The following FAM174C variants were observed in gnomAD, a reference collection of about 807,000 sequenced individuals.
FAM174C encodes protein FAM174C.
FAM174C carries 19 observed loss-of-function variants against 12.3 expected under a neutral mutation model. The ratio of observed to expected loss-of-function variants is 1.55; its 90% CI spans 1.08 to 2.27. FAM174C has a LOEUF of 2.27. Ranked by LOEUF, FAM174C falls within the 30% of genes most tolerant of loss-of-function variation. The pLI is 0.00. For missense variants in FAM174C, 239 were observed against 190.2 expected, an observed-to-expected ratio of 1.26 and a Z score of -1.51; for synonymous variants, 147 against 103.5, an observed-to-expected ratio of 1.42 and a Z score of -2.55.
chr19:1,277,247 G>A lies in FAM174C; in HGVS notation c.346G>A (p.Ala116Thr), dbSNP rs2081419698. 2 of 1,549,624 alleles carry A rather than the reference G, an allele frequency of 1.3e-6. No individual in the cohort carries two copies. The highest frequency in any genetic ancestry group is 1.2e-5 in the South Asian group (1 of 84,042). The change falls in exon 2 of 3, where the codon GCC becomes ACC. Residue 116 changes from alanine (A) to threonine (T), a missense_variant. Transcript: ENST00000409293. ...CAACACTGAGGACCCCACGGAGATGGCCTCGCTGGACAGCGACGAGGAGAC... is the reference window on the plus strand; with the variant it reads ...CAACACTGAGGACCCCACGGAGATGACCTCGCTGGACAGCGACGAGGAGAC... The part of the protein sequence containing the change: ...LANTEDPTEM[A>T]SLDSDEETVF...
intron 2 of FAM174C, 45 bp from the exon 3 acceptor site, chr19:1,278,732 G>C (rs745889214): frequency 6.2e-7 from 1 of 1,608,688 alleles, no homozygotes; most frequent in Non-Finnish European, 8.5e-7. Context: ...CCGGCAGGGC[G>C]GGCCCTTCAC....
chr19:1,275,893 T>A, intron 1 of FAM174C, 63 bp downstream of exon 1: 1 of 1,462,770 alleles, frequency 6.8e-7, no homozygotes, highest in Non-Finnish European at 9.2e-7. Context: ...GCCTAGTGCG[T>A]CACGTGCCGG....
In FAM174C at chr19:1,279,043, G is replaced by A; in HGVS notation, c.*266G>A. The stretch of plus-strand genomic sequence containing the variant: ...CGAGGGTCCCAGGTGAAGACTGGAG[G>A]GACCCCAACAGCCACCGCCCAGGAC... On this transcript the variant is annotated 3_prime_UTR_variant, in exon 3 of 3. Transcript: ENST00000409293. The A allele has an allele frequency of 6.2e-7, 1 of 1,611,780 alleles. No individual in the cohort carries two copies. Among genetic ancestry groups the A allele is most frequent in the South Asian group, 1.1e-5 (1 of 91,086 alleles).
chr19:1,278,967 C>T lies in FAM174C; in HGVS notation c.*190C>T. The T allele has an allele frequency of 6.2e-7, 1 of 1,612,702 alleles. No homozygotes were observed. Among genetic ancestry groups the T allele is most frequent in the Non-Finnish European group, 8.5e-7 (1 of 1,179,936 alleles). ...GCCCGCCGACCTGTTGCCACCTGCA[C>T]CCACCGCTGGACCATGCAGCCTCGC... On this transcript the variant is annotated 3_prime_UTR_variant, in exon 3 of 3. Transcript: ENST00000409293.
At position 1,277,123 on chromosome 19, in the gene FAM174C, G is replaced by A. The variant is rs565357941; in HGVS notation, c.282-60G>A. The A allele has an allele frequency of 1.2e-5, 18 of 1,506,952 alleles. No individual in the cohort carries two copies. In the African/African-American group the frequency reaches 1.4e-4, roughly 12 times the overall value. The allele number at this position is 1,506,952 out of a possible 1,614,324, so 93.3% of individuals were successfully genotyped here. A position where few individuals can be genotyped will look rare whatever the true frequency, so the allele number is the denominator to read the frequency against. Reference sequence around the variant, plus strand: ...AGAGGACGGCAATGAGAGTCCTGAGGGAAGGAGGAGGCAGGGTTGGCGGGG... The same window carrying A: ...AGAGGACGGCAATGAGAGTCCTGAGAGAAGGAGGAGGCAGGGTTGGCGGGG... On this transcript the variant is annotated intron_variant, in intron 1 of 2. Transcript: ENST00000409293.
At chr19:1,277,149 A>AG in intron 1 of FAM174C, 34 bp from the exon 2 acceptor site, 1 of 1,514,598 alleles carries the variant, frequency 6.6e-7, no homozygotes, top group African/African-American at 1.4e-5. Flanking sequence ...GTTGGCGGGG[A>AG]GGGGCCACTG....
At chr19:1,276,186 G>T in intron 1 of FAM174C, 1 of 283,990 alleles carries the variant, frequency 3.5e-6, no homozygotes, top group Non-Finnish European at 6.7e-6. Flanking sequence ...CTTGTCGCCG[G>T]ATGCCCGTCC....
At chr19:1,277,534 G>T (rs916319942) in intron 2 of FAM174C, among the ~76,000 whole-genome samples, 3 of 152,146 alleles carry the variant, frequency 2.0e-5, no homozygotes, top group East Asian at 1.9e-4. Context: ...GGAGTGGCGC[G>T]ATCCCAACTC....
rs1244812007 is a variant in FAM174C at position 1,275,838 on chromosome 19, A to C, written c.281+8A>C. The C allele has an allele frequency of 2.0e-6, 3 of 1,535,288 alleles. No homozygotes were observed. Among genetic ancestry groups the C allele is most frequent in the African/African-American group, 2.7e-5 (2 of 72,822 alleles). On this transcript the variant is annotated splice_region_variant and intron_variant, in intron 1 of 2. Transcript: ENST00000409293. ...CCTGATCCGGGCGTTTAGGTGCGTCAGGCGCACGTGGGCGCCGTCTCTCAG... is the reference window on the plus strand; with the variant it reads ...CCTGATCCGGGCGTTTAGGTGCGTCCGGCGCACGTGGGCGCCGTCTCTCAG...
rs2144597351 is a variant in FAM174C at position 1,276,156 on chromosome 19, C to A, written c.281+326C>A. ...GGGCAGGGGTCAGGCCCTGGCGGGG[C>A]GAGGGGGCCTCCTTGGCTCCTTGTC... On this transcript the variant is annotated intron_variant, in intron 1 of 2. Transcript: ENST00000409293. 4 of 353,230 alleles carry A rather than the reference C, an allele frequency of 1.1e-5. No homozygotes were observed. In the South Asian group the frequency reaches 1.6e-4, roughly 14 times the overall value. The allele number at this position is 353,230 out of a possible 1,614,324, so 21.9% of individuals were successfully genotyped here. A position where few individuals can be genotyped will look rare whatever the true frequency, so the allele number is the denominator to read the frequency against.
Position 1,278,658 on chromosome 19 carries a change from G to C in FAM174C, c.*-119G>C, listed in dbSNP as rs1322892161. On this transcript the variant is annotated intron_variant, in intron 2 of 2. Coordinates refer to ENST00000409293, the MANE Select transcript of FAM174C (RefSeq NM_017914.4). ...AGGGAGGCCAGTGGGGGGAGGCTGG[G>C]CCCTGGTAGACCGAGGGGCCTGGAC... 7 of 1,521,736 alleles carry C rather than the reference G, an allele frequency of 4.6e-6. No individual in the cohort carries two copies. In the South Asian group the frequency reaches 4.9e-5, roughly 11 times the overall value. 94.3% of individuals were successfully genotyped at this position (1,521,736 alleles called of 1,614,324 possible). A position where few individuals can be genotyped will look rare whatever the true frequency, so the allele number is the denominator to read the frequency against.
rs1008910196 is a variant in FAM174C, at chr19:1,275,780, C to T, written c.231C>T (p.Ile77=). The T allele has an allele frequency of 6.5e-7, 1 of 1,539,914 alleles. No individual in the cohort carries two copies. The highest frequency in any genetic ancestry group is 8.7e-7 in the Non-Finnish European group (1 of 1,146,392). ...CGCTGACGCGCTCCTTCTACGTGATCCTGGGCTTCTGCGGCCTGACCGCGC... is the reference window on the plus strand; with the variant it reads ...CGCTGACGCGCTCCTTCTACGTGATTCTGGGCTTCTGCGGCCTGACCGCGC... ...GSALTRSFYV[I]LGFCGLTALY... is the part of the protein sequence containing the mutation. The change falls in exon 1 of 3, where the codon ATC becomes ATT. Residue 77 remains isoleucine (I), a synonymous_variant. Transcript: ENST00000409293.
At position 1,277,200 on chromosome 19, in the gene FAM174C, G is replaced by A. The variant is rs1208129272; in HGVS notation, c.299G>A (p.Arg100Gln). Residue 100 changes from arginine to glutamine, a missense_variant, in exon 2 of 3, where the codon CGG (arginine) becomes CAG (glutamine). Transcript: ENST00000409293. Reference sequence around the variant, plus strand: ...ACTTCCAGGTTGAAGAAGCCTCAGCGGAGGCGATACGGCCTCCTCGCCAAC... The same window carrying A: ...ACTTCCAGGTTGAAGAAGCCTCAGCAGAGGCGATACGGCCTCCTCGCCAAC... ...IRAFRLKKPQ[R>Q]RRYGLLANTE... The A allele has an allele frequency of 3.2e-6, 5 of 1,543,126 alleles. No homozygotes were observed. In the East Asian group the frequency reaches 1.2e-4, roughly 38 times the overall value.
chr19:1,276,024 C>T (rs1001810716), intron 1 of FAM174C, 194 bp downstream of exon 1: 2 of 568,580 alleles, frequency 3.5e-6, no homozygotes, highest in Non-Finnish European at 6.0e-6. Context: ...GGGACTCACC[C>T]GCTCTCCAGC....
chr19:1,275,575 C>CGCTGCTGCT lies in FAM174C; in HGVS notation c.30_38dup (p.Leu13_Leu15dup). On this transcript the variant is annotated inframe_insertion, in exon 1 of 3. Coordinates refer to ENST00000409293, the MANE Select transcript of FAM174C (RefSeq NM_017914.4). ...ATGGGGCCGCGCGTGCTGCAGCCGC[C>CGCTGCTGCT]GCTGCTGCTGCTCCTGCTGGCGCTG... The CGCTGCTGCT allele has an allele frequency of 8.2e-7, 1 of 1,226,146 alleles. No individual in the cohort carries two copies. The highest frequency in any genetic ancestry group is 1.0e-6 in the Non-Finnish European group (1 of 985,188). 76.0% of individuals were successfully genotyped at this position (1,226,146 alleles called of 1,614,324 possible). A position where few individuals can be genotyped will look rare whatever the true frequency, so the allele number is the denominator to read the frequency against.
chr19:1,277,212 GCCT>G lies in FAM174C; in HGVS notation c.316_318del (p.Leu106del). On this transcript the variant is annotated inframe_deletion, in exon 2 of 3. Coordinates refer to ENST00000409293, the MANE Select transcript of FAM174C (RefSeq NM_017914.4). ...AAGAAGCCTCAGCGGAGGCGATACGGCCTCCTCGCCAACACTGAGGACCCCACG... is the reference window on the plus strand; with the variant it reads ...AAGAAGCCTCAGCGGAGGCGATACGGCCTCGCCAACACTGAGGACCCCACG... 1 of 1,547,106 alleles carries G rather than the reference GCCT, an allele frequency of 6.5e-7. No individual in the cohort carries two copies. The highest frequency in any genetic ancestry group is 1.2e-5 in the South Asian group (1 of 83,966).
chr19:1,277,368 G>C (rs1237913369), intron 2 of FAM174C, 69 bp downstream of exon 2: 25 of 1,507,054 alleles, frequency 1.7e-5, no homozygotes, highest in Non-Finnish European at 2.0e-5. Context: ...AGGACCCTGG[G>C]GACTTGGCCA....
Position 1,275,749 on chromosome 19 carries a change from GCT to G in FAM174C, c.202_203del (p.Ser68GlyfsTer26). 2.6e-6 allele frequency: 4 copies of G among 1,535,596 alleles called. No individual in the cohort carries two copies. In the Admixed American group the frequency reaches 7.9e-5, roughly 30 times the overall value. Reference sequence around the variant, plus strand: ...CACACGCGTCCGCCGGGGGCGTCGGGCTCGGCGCTGACGCGCTCCTTCTACGT... The same window carrying G: ...CACACGCGTCCGCCGGGGGCGTCGGGCGGCGCTGACGCGCTCCTTCTACGT... On this transcript the variant is annotated frameshift_variant, in exon 1 of 3. Transcript: ENST00000409293. LOFTEE classifies it high-confidence loss of function.
chr19:1,275,858 T>G (rs1347357791), intron 1 of FAM174C, 28 bp downstream of exon 1: 8 of 1,530,442 alleles, frequency 5.2e-6, no homozygotes, highest in Non-Finnish European at 7.0e-6. Context: ...GGGCGCCGTC[T>G]CTCAGCCTTG....
Sources: allele counts gnomAD v4.1 joint callset (sites outside exome capture counted in the v4.1 genomes callset), GRCh38; gene constraint gnomAD v4.1.1; transcripts MANE v1.5; gene names NCBI Gene and HGNC (gene_info 2026-07-23, HGNC 2026-07-21).